Variants in PRELID2 observed in about 807,000 individuals in gnomAD.
PRELID2 encodes the protein PRELI domain-containing protein 2.
A neutral mutation model predicts 28.4 loss-of-function variants in PRELID2; 25 were observed. The ratio of observed to expected loss-of-function variants is 0.88; its 90% CI spans 0.64 to 1.23. The LOEUF (loss-of-function observed/expected upper bound fraction) is 1.23, where lower values mean the gene tolerates loss of function less well. Among genes scored for constraint, PRELID2 ranks in the 50% most tolerant of loss-of-function variants. The pLI, the probability that PRELID2 is intolerant of heterozygous loss-of-function variation, is 0.00. For synonymous variants in PRELID2, 76 were observed against 71.6 expected (o/e 1.06, Z -0.31); for missense variants, 201 against 214.4 (o/e 0.94, Z 0.39).
At chr5:145,715,576 C>A (rs1476428529) in intron 1 of PRELID2, among the ~76,000 whole-genome samples, 2 of 152,166 alleles carry the variant, frequency 1.3e-5, no homozygotes, top group African/African-American at 4.8e-5. Context: ...CTTCCCACCC[C>A]AGCTTACAAC....
chr5:145,447,483 T>TTA, the PRELID2 span, among the ~76,000 whole-genome samples: 1 of 130,912 alleles, frequency 7.6e-6, no homozygotes, highest in Non-Finnish European at 1.7e-5. Context: ...TTTTTTTTTT[T>TTA]ATTATACTTT....
chr5:145,687,316 C>T (rs1250439912), intron 1 of PRELID2, among the ~76,000 whole-genome samples: 3 of 152,186 alleles, frequency 2.0e-5, no homozygotes, highest in Non-Finnish European at 2.9e-5. Context: ...CTGCCATTTG[C>T]TTCCTGCATG....
the PRELID2 span, among the ~76,000 whole-genome samples, chr5:145,415,943 T>C: frequency 6.6e-6 from 1 of 152,252 alleles, no homozygotes; most frequent in East Asian, 1.9e-4. Context: ...CCAGCATCTG[T>C]TGTTTCCTGA....
intron 1 of PRELID2, among the ~76,000 whole-genome samples, chr5:145,728,202 A>G (rs921122803): frequency 2.0e-5 from 3 of 152,082 alleles, no homozygotes; most frequent in Non-Finnish European, 4.4e-5. Flanking sequence ...TAGGGCACTG[A>G]TCAGTATCTC....
the PRELID2 span, among the ~76,000 whole-genome samples, chr5:145,361,760 C>T: frequency 6.6e-6 from 1 of 152,194 alleles, no homozygotes; most frequent in Non-Finnish European, 1.5e-5. Context: ...CCACACCTAG[C>T]CTTCTGTGAG....
chr5:145,497,051 A>G (rs1485496472), intron 1 of PRELID2, among the ~76,000 whole-genome samples: 1 of 151,242 alleles, frequency 6.6e-6, no homozygotes, highest in Admixed American at 6.6e-5. Flanking sequence ...TTTTATACAT[A>G]CAGGGTCTCG....
intron 1 of PRELID2, among the ~76,000 whole-genome samples, chr5:145,558,790 G>A (rs149702558): frequency 1.1e-4 from 16 of 152,266 alleles, no homozygotes; most frequent in African/African-American, 3.9e-4. Context: ...ATGAAAATAT[G>A]AAAAGCATTC....
Position 145,821,181 on chromosome 5 carries a change from G to GTA in PRELID2, c.134-1165_134-1164dup, listed in dbSNP as rs1007477466. Among the ~76,000 whole-genome samples, 7 of 86,914 alleles carry GTA rather than the reference G, an allele frequency of 8.1e-5. 1 individual carries two copies. The highest frequency in any genetic ancestry group is 2.0e-4 in the Non-Finnish European group (7 of 35,718). 57.0% of individuals were successfully genotyped at this position (86,914 alleles called of 152,430 possible). The stretch of plus-strand genomic sequence containing the variant: ...TGTGTGTGTGTGTGTGTGTGTGTGT[G>GTA]TAAGTCCTCTTCTGTGTGTGTGTGT... On this transcript the variant is annotated intron_variant, in intron 2 of 6. Coordinates refer to ENST00000683046, the MANE Select transcript of PRELID2 (RefSeq NM_205846.3).
At chr5:145,607,029 T>C (rs1753515045) in intron 1 of PRELID2, among the ~76,000 whole-genome samples, 1 of 152,158 alleles carries the variant, frequency 6.6e-6, no homozygotes, top group Non-Finnish European at 1.5e-5. Flanking sequence ...TTGTGTGCAA[T>C]AGAGGTGTTT....
intron 1 of PRELID2, among the ~76,000 whole-genome samples, chr5:145,736,947 A>C (rs1189871434): frequency 6.6e-6 from 1 of 152,140 alleles, no homozygotes; most frequent in Non-Finnish European, 1.5e-5. Context: ...GATAAAATCT[A>C]ATGTCAGAGC....
chr5:145,811,008 TCA>T (rs1427322290), intron 4 of PRELID2, among the ~76,000 whole-genome samples: 1 of 131,646 alleles, frequency 7.6e-6, no homozygotes, highest in Non-Finnish European at 1.5e-5. Context: ...TTTAATGGAC[TCA>T]CAGTTCCACA....
At chr5:145,685,771 G>T (rs755644446) in intron 1 of PRELID2, among the ~76,000 whole-genome samples, 1 of 152,142 alleles carries the variant, frequency 6.6e-6, no homozygotes, top group African/African-American at 2.4e-5. Flanking sequence ...GTAGAAAGCC[G>T]CTGACCCACA....
At chr5:145,596,925 C>T (rs1300659024) in intron 1 of PRELID2, among the ~76,000 whole-genome samples, 2 of 152,144 alleles carry the variant, frequency 1.3e-5, no homozygotes, top group African/African-American at 2.4e-5. Flanking sequence ...CATTTCTTCC[C>T]TCAGTGATTA....
At chr5:145,325,615 G>T in the PRELID2 span, among the ~76,000 whole-genome samples, 1 of 152,132 alleles carries the variant, frequency 6.6e-6, no homozygotes, top group South Asian at 2.1e-4. Context: ...TAATAAGAAA[G>T]TTAAAGTTAA....
chr5:145,575,812 G>A (rs1360411300), intron 1 of PRELID2, among the ~76,000 whole-genome samples: 3 of 152,098 alleles, frequency 2.0e-5, no homozygotes, highest in African/African-American at 7.2e-5. Context: ...AGAGACTGCC[G>A]GCAGTAATTA....
rs186600775 is a variant in PRELID2 at position 145,560,395 on chromosome 5, A to C, written n.71-87080T>G. ...CCCAGCACATAGTAGGTGCTCAATA[A>C]TGTTTGTTGAGTATATGTTTGAACA... is the stretch of plus-strand genomic sequence containing the variant. On this transcript the variant is annotated intron_variant and non_coding_transcript_variant, in intron 1 of 2. Coordinates refer to the PRELID2 transcript ENST00000510259. Among the ~76,000 whole-genome samples, 79 of 152,300 alleles carry C rather than the reference A, an allele frequency of 5.2e-4. 1 individual carries two copies. The highest frequency in any genetic ancestry group is 1.9e-3 in the African/African-American group (77 of 41,568).
chr5:145,611,593 C>T (rs1188388925), intron 1 of PRELID2, among the ~76,000 whole-genome samples: 1 of 152,294 alleles, frequency 6.6e-6, no homozygotes, highest in East Asian at 1.9e-4. Flanking sequence ...ATGGGTATAA[C>T]TCTATTCAAA....
chr5:145,296,675 A>G, the PRELID2 span, among the ~76,000 whole-genome samples: 2 of 152,172 alleles, frequency 1.3e-5, no homozygotes, highest in African/African-American at 2.4e-5. Context: ...TCTATATAGC[A>G]GCATGATTTA....
At chr5:145,361,211 TTTAAAAATG>T in the PRELID2 span, among the ~76,000 whole-genome samples, 1 of 152,214 alleles carries the variant, frequency 6.6e-6, no homozygotes, top group East Asian at 1.9e-4. Context: ...AAAGCTGGTG[TTTAAAAATG>T]CAACTGTTTT....
Sources: allele counts gnomAD v4.1 joint callset (sites outside exome capture counted in the v4.1 genomes callset), GRCh38; gene constraint gnomAD v4.1.1; transcripts MANE v1.5; gene names NCBI Gene and HGNC (gene_info 2026-07-23, HGNC 2026-07-21).